MYPN: variants seen among roughly 807,000 people sequenced by gnomAD.
MYPN encodes sarcomeric protein myopalladin, 145 kDa (MYOP).
In MYPN, 63 loss-of-function variants were observed where a neutral mutation model predicts 129.4. The observed-to-expected ratio is 0.49, with a 90% confidence interval of 0.40 to 0.60. The LOEUF (loss-of-function observed/expected upper bound fraction) is 0.60, where lower values mean the gene tolerates loss of function less well. Among genes scored for constraint, MYPN ranks in the 20% least tolerant of loss-of-function variants. MYPN has a pLI of 0.00. For synonymous variants in MYPN, 629 were observed against 600.9 expected (o/e 1.05, Z -0.68); for missense variants, 1,596 against 1,635.4 (o/e 0.98, Z 0.42).
At chr10:68,099,171 G>C (rs1232336290) in intron 1 of MYPN, among the ~76,000 whole-genome samples, 1 of 152,098 alleles carries the variant, frequency 6.6e-6, no homozygotes, top group Non-Finnish European at 1.5e-5. Context: ...TTTGCTAATA[G>C]ATAAAATTTG....
intron 2 of MYPN, among the ~76,000 whole-genome samples, chr10:68,123,867 C>A (rs894636346): frequency 6.6e-6 from 1 of 152,086 alleles, no homozygotes; most frequent in African/African-American, 2.4e-5. Flanking sequence ...TGAATACCTG[C>A]AGTATTTTTT....
In MYPN at chr10:68,145,502, A is replaced by AAT; in HGVS notation, c.1106_1107insAT (p.Asp369GlufsTer8). 6.2e-7 allele frequency: 1 copy of AAT among 1,613,534 alleles called. No homozygotes were observed. Among genetic ancestry groups the AAT allele is most frequent in the Non-Finnish European group, 8.5e-7 (1 of 1,179,708 alleles). On this transcript the variant is annotated frameshift_variant, in exon 4 of 20. Transcript: ENST00000358913. LOFTEE classifies it high-confidence loss of function. ...GTTTCTTCTTCTGACTCAGAAGGCGACCCTAACAAGGAAGAGATGAATCGG... is the reference window on the plus strand; with the variant it reads ...GTTTCTTCTTCTGACTCAGAAGGCGAATCCCTAACAAGGAAGAGATGAATCGG...
chr10:68,098,097 T>C (rs1229593135), intron 1 of MYPN, among the ~76,000 whole-genome samples: 1 of 152,044 alleles, frequency 6.6e-6, no homozygotes, highest in African/African-American at 2.4e-5. Flanking sequence ...AATACAAAAA[T>C]TAGCTGGGCA....
chr10:68,155,947 C>T (rs991055981), intron 6 of MYPN, among the ~76,000 whole-genome samples: 2 of 152,158 alleles, frequency 1.3e-5, no homozygotes, highest in Non-Finnish European at 2.9e-5. Flanking sequence ...GAACACAAGT[C>T]TTGCCCTTTG....
At chr10:68,170,399 G>A (rs1343265696) in intron 10 of MYPN, among the ~76,000 whole-genome samples, 1 of 151,932 alleles carries the variant, frequency 6.6e-6, no homozygotes, top group Non-Finnish European at 1.5e-5. Context: ...GTTTACATTA[G>A]TATAGATATG....
chr10:68,102,007 A>G (rs1373224058), upstream of MYPN, among the ~76,000 whole-genome samples: 1 of 151,882 alleles, frequency 6.6e-6, no homozygotes, highest in Non-Finnish European at 1.5e-5. Context: ...ATTTTTTGAT[A>G]CTGCCCAGAA....
At chr10:68,107,708 T>C (rs1043014141), upstream of MYPN, among the ~76,000 whole-genome samples, 2 of 152,176 alleles carry the variant, frequency 1.3e-5, no homozygotes, top group African/African-American at 4.8e-5. Context: ...ATTCTTCATA[T>C]AGATTCCTAA....
At chr10:68,145,579 C>T (rs1310809191) in intron 4 of MYPN, 53 bp downstream of exon 4, 2 of 1,445,460 alleles carry the variant, frequency 1.4e-6, no homozygotes, top group Non-Finnish European at 1.9e-6. Flanking sequence ...CAATTAATAG[C>T]TCAAAGAGAA....
chr10:68,204,712 T>G (rs1363459544), intron 18 of MYPN, among the ~76,000 whole-genome samples: 1 of 121,152 alleles, frequency 8.3e-6, no homozygotes, highest in African/African-American at 3.2e-5. Context: ...AGTGAGACTC[T>G]GAGACTCTGT....
Position 68,121,842 on chromosome 10 carries a change from CA to C in MYPN, c.409del (p.Arg137GlyfsTer15). On this transcript the variant is annotated frameshift_variant, in exon 2 of 20. Transcript: ENST00000358913. LOFTEE classifies it high-confidence loss of function. ...AGCTCTAAAGAAAGCCCCCAGGAGGCAAAAAGGCCACAGTATTGTTCTGAAA... is the reference window on the plus strand; with the variant it reads ...AGCTCTAAAGAAAGCCCCCAGGAGGCAAAAGGCCACAGTATTGTTCTGAAA... Reference protein sequence around the residue: ...PTSSKESPQEAKRPQYCSETQ... With the variant: ...PTSSKESPQEXKRPQYCSETQ... 6.2e-7 allele frequency: 1 copy of C among 1,614,046 alleles called. No homozygotes were observed. The highest frequency in any genetic ancestry group is 8.5e-7 in the Non-Finnish European group (1 of 1,179,984).
At chr10:68,170,138 G>A (rs1303070255) in intron 10 of MYPN, among the ~76,000 whole-genome samples, 1 of 152,178 alleles carries the variant, frequency 6.6e-6, no homozygotes, top group Non-Finnish European at 1.5e-5. Flanking sequence ...AATTTAGGCA[G>A]ATGGGACACT....
At chr10:68,106,197 T>A, upstream of MYPN, 1 of 454,020 alleles carries the variant, frequency 2.2e-6, no homozygotes, top group Non-Finnish European at 4.4e-6. Flanking sequence ...ACCACAAATT[T>A]ACTTCTCAGG....
chr10:68,130,001 C>G (rs1462879598), intron 2 of MYPN, among the ~76,000 whole-genome samples: 1 of 152,150 alleles, frequency 6.6e-6, no homozygotes, highest in Admixed American at 6.6e-5. Flanking sequence ...GAAGTATTAT[C>G]TCAAGTGGTT....
intron 2 of MYPN, among the ~76,000 whole-genome samples, chr10:68,134,484 C>T (rs943896079): frequency 6.6e-6 from 1 of 152,178 alleles, no homozygotes; most frequent in African/African-American, 2.4e-5. Context: ...TATTCATCCT[C>T]TCTTTTGTTA....
intron 12 of MYPN, among the ~76,000 whole-genome samples, chr10:68,188,056 G>A (rs923788804): frequency 6.6e-6 from 1 of 152,022 alleles, no homozygotes; most frequent in Non-Finnish European, 1.5e-5. Context: ...TGTTGTGAGG[G>A]GGGCAGAGAG....
chr10:68,121,081 C>G (rs1429250177), intron 1 of MYPN, among the ~76,000 whole-genome samples: 2 of 152,162 alleles, frequency 1.3e-5, no homozygotes, highest in African/African-American at 2.4e-5. Context: ...GAGCTCGAGA[C>G]CAGCCTGGGC....
chr10:68,162,319 T>G (rs1394388445), intron 8 of MYPN, among the ~76,000 whole-genome samples: 2 of 152,208 alleles, frequency 1.3e-5, no homozygotes, highest in Non-Finnish European at 2.9e-5. Context: ...CTTAGGAATA[T>G]TTTTCCTCCA....
chr10:68,112,282 A>G (rs564121912), intron 1 of MYPN, among the ~76,000 whole-genome samples: 20 of 152,298 alleles, frequency 1.3e-4, no homozygotes, highest in African/African-American at 4.6e-4. Context: ...CTTTCAGATT[A>G]AATAGTACCT....
At chr10:68,177,030 C>G (rs2043238059) in intron 12 of MYPN, among the ~76,000 whole-genome samples, 1 of 152,140 alleles carries the variant, frequency 6.6e-6, no homozygotes, top group Non-Finnish European at 1.5e-5. Context: ...GGAGAGAGAG[C>G]AATTAGAGCC....
Sources: allele counts gnomAD v4.1 joint callset (sites outside exome capture counted in the v4.1 genomes callset), GRCh38; gene constraint gnomAD v4.1.1; transcripts MANE v1.5; gene names NCBI Gene and HGNC (gene_info 2026-07-23, HGNC 2026-07-21).